ARHGEF9: variants seen among roughly 807,000 people sequenced by gnomAD.
ARHGEF9 encodes the protein Cdc42 guanine nucleotide exchange factor 9.
Under a neutral mutation model 41.3 loss-of-function variants are expected in ARHGEF9, and 2 were observed. That is an observed-to-expected ratio of 0.05 (90% CI 0.02 to 0.15). ARHGEF9 has a LOEUF of 0.15. ARHGEF9 is among the 10% of genes least tolerant of loss of function. ARHGEF9 has a pLI of 1.00. For synonymous variants in ARHGEF9, 160 were observed against 154.4 expected (o/e 1.04, Z -0.27); for missense variants, 225 against 424.7 (o/e 0.53, Z 4.13).
intron 5 of ARHGEF9, among the ~76,000 whole-genome samples, chrX:63,676,247 C>T (rs1556362059): frequency 5.3e-5 from 6 of 112,379 alleles, no homozygotes; most frequent in Non-Finnish European, 3.8e-5. Context: ...ACTATACTTC[C>T]TAACCAGTCT....
In ARHGEF9 at chrX:63,714,392, C is replaced by G. The variant is rs782218166; in HGVS notation, c.211-7943G>C. ...AGCCCTGCAAGGCAGGCAAGCAAAC[C>G]TTTTTATTTCCATTTCCCAGATGAG... On this transcript the variant is annotated intron_variant, in intron 2 of 9. Transcript: ENST00000671741. 1.5e-4 allele frequency among the ~76,000 whole-genome samples: 17 copies of G among 112,524 alleles called. No homozygotes were observed. In the South Asian group the frequency reaches 6.3e-3, roughly 42 times the overall value.
At chrX:63,647,273 T>C (rs2048173157) in intron 8 of ARHGEF9, among the ~76,000 whole-genome samples, 3 of 111,993 alleles carry the variant, frequency 2.7e-5, no homozygotes, top group South Asian at 7.4e-4. Flanking sequence ...CTATGTTGAA[T>C]AGGAATGGTG....
chrX:63,758,794 G>C (rs2055978263), intron 1 of ARHGEF9, among the ~76,000 whole-genome samples: 1 of 112,226 alleles, frequency 8.9e-6, no homozygotes, highest in African/African-American at 3.2e-5. Context: ...TAGCCCTCTT[G>C]AAACATTTAT....
At chrX:63,666,593 GC>G (rs1182113715) in intron 6 of ARHGEF9, among the ~76,000 whole-genome samples, 7 of 108,589 alleles carry the variant, frequency 6.4e-5, no homozygotes, top group Non-Finnish European at 1.3e-4. Flanking sequence ...TGAAGAACAG[GC>G]CTTAATCTCA....
chrX:63,722,854 C>T (rs782639979), intron 2 of ARHGEF9: 2 of 111,348 alleles, frequency 1.8e-5, no homozygotes, highest in Non-Finnish European at 3.8e-5. Flanking sequence ...ATTCTTTAAC[C>T]AGCAAAGATG....
At chrX:63,680,587 T>C (rs1470103012) in intron 4 of ARHGEF9, among the ~76,000 whole-genome samples, 1 of 111,021 alleles carries the variant, frequency 9.0e-6, no homozygotes, top group African/African-American at 3.3e-5. Context: ...GTAGCAGGAG[T>C]CGCAGTGATC....
chrX:63,758,941 A>G (rs1602727251), intron 1 of ARHGEF9, among the ~76,000 whole-genome samples: 1 of 111,816 alleles, frequency 8.9e-6, no homozygotes, highest in Non-Finnish European at 1.9e-5. Context: ...CAGGTGCTTC[A>G]TAACAAACAC....
intron 1 of ARHGEF9, among the ~76,000 whole-genome samples, chrX:63,769,998 G>A (rs149604180): frequency 0.015 from 1,624 of 111,482 alleles, 36 homozygotes; most frequent in African/African-American, 0.051. Context: ...TGAGAAGAGG[G>A]CCACTGTCCT....
At chrX:63,678,315 A>G (rs1556364999) in intron 5 of ARHGEF9, 25 bp downstream of exon 5, 2 of 1,138,542 alleles carry the variant, frequency 1.8e-6, no homozygotes, top group Non-Finnish European at 2.4e-6. Context: ...TCCCTCATTC[A>G]CTCCTGACTC....
chrX:63,644,161 G>C, intron 8 of ARHGEF9, 113 bp from the exon 9 acceptor site: 2 of 419,631 alleles, frequency 4.8e-6, no homozygotes, highest in African/African-American at 2.8e-5. Flanking sequence ...AAAAAATCTT[G>C]AAATACAAAA....
chrX:63,708,070 G>A (rs1487815004), intron 2 of ARHGEF9, among the ~76,000 whole-genome samples: 1 of 111,098 alleles, frequency 9.0e-6, no homozygotes, highest in Non-Finnish European at 1.9e-5. Flanking sequence ...TATGCTAATA[G>A]CTGTCCTTTA....
intron 7 of ARHGEF9, among the ~76,000 whole-genome samples, chrX:63,661,443 A>C (rs1314453295): frequency 1.8e-5 from 2 of 112,140 alleles, no homozygotes; most frequent in East Asian, 2.8e-4. Flanking sequence ...TAAATAGTCA[A>C]AGAGAAAAAA....
At chrX:63,672,216 T>G in intron 6 of ARHGEF9, among the ~76,000 whole-genome samples, 1 of 111,042 alleles carries the variant, frequency 9.0e-6, no homozygotes, top group Non-Finnish European at 1.9e-5. Context: ...CACCAGGCAC[T>G]GAATCTACTG....
At chrX:63,748,033 G>C (rs1255267723) in intron 1 of ARHGEF9, among the ~76,000 whole-genome samples, 1 of 112,138 alleles carries the variant, frequency 8.9e-6, no homozygotes, top group African/African-American at 3.2e-5. Context: ...CTATCAGTTT[G>C]GCAGATGCTT....
rs781904024 is a variant in ARHGEF9, at chrX:63,763,345, T to C, written c.30+21771A>G. Among the ~76,000 whole-genome samples, 20 of 111,504 alleles carry C rather than the reference T, an allele frequency of 1.8e-4. 1 individual carries two copies. The highest frequency in any genetic ancestry group is 3.2e-4 in the Non-Finnish European group (17 of 53,060). ...GAGAGACAGACTGTACACATTTTTATAGTTTGATTTTTTAGCATATAAATA... is the reference window on the plus strand; with the variant it reads ...GAGAGACAGACTGTACACATTTTTACAGTTTGATTTTTTAGCATATAAATA... On this transcript the variant is annotated intron_variant, in intron 1 of 9. Transcript: ENST00000671741.
chrX:63,639,155 C>T (rs1439637835), intron 9 of ARHGEF9, among the ~76,000 whole-genome samples: 1 of 111,869 alleles, frequency 8.9e-6, no homozygotes, highest in African/African-American at 3.2e-5. Flanking sequence ...TCCAACATTA[C>T]AGTTACTTTT....
At chrX:63,774,663 C>T in intron 1 of ARHGEF9, among the ~76,000 whole-genome samples, 1 of 111,537 alleles carries the variant, frequency 9.0e-6, no homozygotes, top group East Asian at 2.8e-4. Flanking sequence ...TGCCTACTCC[C>T]CATCCTATGC....
At chrX:63,750,487 A>G (rs1221652459) in intron 1 of ARHGEF9, among the ~76,000 whole-genome samples, 7 of 111,481 alleles carry the variant, frequency 6.3e-5, no homozygotes, top group Non-Finnish European at 1.1e-4. Flanking sequence ...AAAACCACAG[A>G]AAGAAAAATT....
At chrX:63,775,550 A>T (rs1181434467) in intron 1 of ARHGEF9, among the ~76,000 whole-genome samples, 1 of 112,077 alleles carries the variant, frequency 8.9e-6, no homozygotes, top group Non-Finnish European at 1.9e-5. Flanking sequence ...GGAGGTCATT[A>T]TCCTAAGCGA....
Sources: allele counts gnomAD v4.1 joint callset (sites outside exome capture counted in the v4.1 genomes callset), GRCh38; gene constraint gnomAD v4.1.1; transcripts MANE v1.5; gene names NCBI Gene and HGNC (gene_info 2026-07-23, HGNC 2026-07-21).